Variants in PKIB observed in about 807,000 individuals in gnomAD.
PKIB encodes the protein PKI-beta.
A neutral mutation model predicts 4.5 loss-of-function variants in PKIB; 2 were observed. The observed-to-expected ratio is 0.44, with a 90% CI of 0.18 to 1.39. PKIB has a LOEUF of 1.39. PKIB is among the 40% of genes most tolerant of loss of function. PKIB has a pLI of 0.27. For synonymous variants in PKIB, 38 were observed against 36.0 expected (o/e 1.06, Z -0.20); for missense variants, 94 against 92.6 (o/e 1.02, Z -0.06).
intron 2 of PKIB, among the ~76,000 whole-genome samples, chr6:122,499,128 CA>C (rs1355833235): frequency 2.0e-5 from 3 of 152,112 alleles, no homozygotes; most frequent in Non-Finnish European, 4.4e-5. Flanking sequence ...CTAATTCTAC[CA>C]GACATACAAA....
chr6:122,636,799 T>C (rs183278816), intron 2 of PKIB, among the ~76,000 whole-genome samples: 1 of 152,128 alleles, frequency 6.6e-6, no homozygotes, highest in Non-Finnish European at 1.5e-5. Flanking sequence ...TATTTCCCAG[T>C]ATTAAAGCAT....
chr6:122,494,039 A>G (rs1776010447), intron 2 of PKIB, among the ~76,000 whole-genome samples: 1 of 152,178 alleles, frequency 6.6e-6, no homozygotes, highest in East Asian at 1.9e-4. Flanking sequence ...TTAATATCAA[A>G]TAAAAATTTT....
chr6:122,594,750 G>C (rs939268430), intron 3 of PKIB, among the ~76,000 whole-genome samples: 13 of 152,100 alleles, frequency 8.5e-5, no homozygotes, highest in African/African-American at 3.1e-4. Flanking sequence ...TGGACCATTT[G>C]TAGTCCTGCC....
intron 2 of PKIB, among the ~76,000 whole-genome samples, chr6:122,553,446 G>A (rs890040199): frequency 3.2e-5 from 4 of 125,674 alleles, no homozygotes; most frequent in Non-Finnish European, 6.4e-5. Context: ...TCATCACCTT[G>A]TTGCACTCAT....
intron 2 of PKIB, among the ~76,000 whole-genome samples, chr6:122,535,459 T>C (rs1777376883): frequency 6.6e-6 from 1 of 152,204 alleles, no homozygotes; most frequent in South Asian, 2.1e-4. Flanking sequence ...GGTTATGTAG[T>C]TAATTACTAA....
chr6:122,481,963 T>TG (rs1183113805), intron 2 of PKIB: 1 of 150,430 alleles, frequency 6.6e-6, no homozygotes, highest in Non-Finnish European at 1.5e-5. Flanking sequence ...AAAGGTAAGT[T>TG]TTGTTTTTTT....
intron 1 of PKIB, among the ~76,000 whole-genome samples, chr6:122,474,645 A>C (rs536314834): frequency 9.2e-5 from 14 of 152,342 alleles, no homozygotes; most frequent in African/African-American, 3.4e-4. Flanking sequence ...ATTCAAATAA[A>C]TGGTATGTAA....
chr6:122,724,248 G>C (rs938796277), intron 4 of PKIB, among the ~76,000 whole-genome samples: 71 of 152,250 alleles, frequency 4.7e-4, no homozygotes, highest in African/African-American at 1.6e-3. Flanking sequence ...GAAAGGGAAA[G>C]TCAGGTAAAA....
chr6:122,623,420 C>T (rs566101096), intron 1 of PKIB, among the ~76,000 whole-genome samples: 1 of 152,270 alleles, frequency 6.6e-6, no homozygotes, highest in East Asian at 1.9e-4. Context: ...AAGTAATGCA[C>T]AGTTGCATCA....
chr6:122,670,005 G>C (rs1777390517), intron 2 of PKIB, among the ~76,000 whole-genome samples: 1 of 151,480 alleles, frequency 6.6e-6, no homozygotes, highest in Non-Finnish European at 1.5e-5. Flanking sequence ...GGCTTAACCA[G>C]GTTAGGGATG....
intron 4 of PKIB, among the ~76,000 whole-genome samples, chr6:122,723,388 A>G (rs893130695): frequency 3.9e-5 from 6 of 152,150 alleles, no homozygotes; most frequent in Admixed American, 1.3e-4. Context: ...CTCTTTCTGC[A>G]TTTTCCCATC....
At chr6:122,530,641 GCT>G (rs1777227915) in intron 2 of PKIB, among the ~76,000 whole-genome samples, 1 of 152,070 alleles carries the variant, frequency 6.6e-6, no homozygotes, top group Non-Finnish European at 1.5e-5. Context: ...ATGATCTCTG[GCT>G]CTCTCTGGTG....
At chr6:122,665,974 G>A (rs923435601) in intron 2 of PKIB, among the ~76,000 whole-genome samples, 1 of 152,040 alleles carries the variant, frequency 6.6e-6, no homozygotes, top group Non-Finnish European at 1.5e-5. Flanking sequence ...AGTACTTTTC[G>A]GACATTGTCT....
Position 122,637,754 on chromosome 6 carries a change from CAA to C in PKIB, c.-76+4400_-76+4401del, listed in dbSNP as rs35786177. Among the ~76,000 whole-genome samples the C allele has an allele frequency of 5.1e-3, 607 of 118,170 alleles. 1 individual carries two copies. The highest frequency in any genetic ancestry group is 8.5e-3 in the Middle Eastern group (2 of 234). The allele number at this position is 118,170 out of a possible 152,430, so 77.5% of individuals were successfully genotyped here. ...TGGGTGACAGAGCAAGACTCCGTCT[CAA>C]AAAAAAAAAAAATCATAATAATTAA... On this transcript the variant is annotated intron_variant, in intron 2 of 4. Coordinates refer to ENST00000368452, the MANE Select transcript of PKIB (RefSeq NM_181795.3).
chr6:122,668,120 G>C (rs894175547), intron 2 of PKIB, among the ~76,000 whole-genome samples: 3 of 152,292 alleles, frequency 2.0e-5, no homozygotes, highest in Non-Finnish European at 4.4e-5. Context: ...GTAAAGGAAA[G>C]GTCATTTTAG....
intron 2 of PKIB, among the ~76,000 whole-genome samples, chr6:122,663,010 G>T (rs1777070587): frequency 6.6e-6 from 1 of 151,954 alleles, no homozygotes; most frequent in African/African-American, 2.4e-5. Flanking sequence ...TCGTTTCCTT[G>T]CTTTGAAAAA....
At chr6:122,593,288 A>C (rs927480534) in intron 3 of PKIB, among the ~76,000 whole-genome samples, 1 of 152,226 alleles carries the variant, frequency 6.6e-6, no homozygotes, top group Admixed American at 6.5e-5. Flanking sequence ...CAGCGGTAGA[A>C]AAAAGTTGGC....
chr6:122,669,761 G>A (rs1188750046), intron 2 of PKIB, among the ~76,000 whole-genome samples: 1 of 151,656 alleles, frequency 6.6e-6, no homozygotes, highest in East Asian at 1.9e-4. Context: ...TAGTTCCCTG[G>A]GCATAAAACC....
At chr6:122,554,314 A>T (rs911311316) in intron 2 of PKIB, among the ~76,000 whole-genome samples, 1 of 152,198 alleles carries the variant, frequency 6.6e-6, no homozygotes, top group Non-Finnish European at 1.5e-5. Flanking sequence ...TGTCTCAATG[A>T]TCTGCTTTGA....
Sources: allele counts gnomAD v4.1 joint callset (sites outside exome capture counted in the v4.1 genomes callset), GRCh38; gene constraint gnomAD v4.1.1; transcripts MANE v1.5; gene names NCBI Gene and HGNC (gene_info 2026-07-23, HGNC 2026-07-21).